RAB1B: variants seen among roughly 807,000 people sequenced by gnomAD.
The protein encoded by RAB1B is ras-related protein Rab-1B.
RAB1B carries 10 observed loss-of-function variants against 24.8 expected under a neutral mutation model. The ratio of observed to expected loss-of-function variants is 0.40; its 90% confidence interval spans 0.25 to 0.68. The LOEUF is 0.68. Among genes scored for constraint, RAB1B ranks in the 30% least tolerant of loss-of-function variants. The pLI is 0.37. For missense variants in RAB1B, 154 were observed against 271.2 expected (o/e 0.57, Z 3.04); for synonymous variants, 99 against 111.7 (o/e 0.89, Z 0.72).
intron 4 of RAB1B, among the ~76,000 whole-genome samples, chr11:66,274,474 G>A (rs1857109854): frequency 6.6e-6 from 1 of 152,170 alleles, no homozygotes; most frequent in South Asian, 2.1e-4. Context: ...GCAGTGGTCT[G>A]ACTAAATCCT....
Position 66,277,199 on chromosome 11 carries a change from C to G in RAB1B, c.*961C>G, listed in dbSNP as rs909823480. 30 of 152,980 alleles carry G rather than the reference C, an allele frequency of 2.0e-4. No individual in the cohort carries two copies. Among genetic ancestry groups the G allele is most frequent in the African/African-American group, 6.0e-4 (25 of 41,596 alleles). 9.5% of individuals were successfully genotyped at this position (152,980 alleles called of 1,614,324 possible). A position where few individuals can be genotyped will look rare whatever the true frequency, so the allele number is the denominator to read the frequency against. On this transcript the variant is annotated 3_prime_UTR_variant, in exon 6 of 6. Transcript: ENST00000311481. ...TGCTCACCCACTCTGCACCCAGGAT[C>G]CTAGTCCCCTGCCCTCTGGCACAGC...
Position 66,276,374 on chromosome 11 carries a change from C to A in RAB1B, c.*136C>A. 1.2e-6 allele frequency: 1 copy of A among 839,836 alleles called. No homozygotes were observed. The highest frequency in any genetic ancestry group is 2.0e-5 in the South Asian group (1 of 49,076). The allele number at this position is 839,836 out of a possible 1,614,324, so 52.0% of individuals were successfully genotyped here. A position where few individuals can be genotyped will look rare whatever the true frequency, so the allele number is the denominator to read the frequency against. ...TGGGGTGTCCTGGGCTCCCCATCTC[C>A]TTCTGGCCCATCTGCCTGCTGCCCT... On this transcript the variant is annotated 3_prime_UTR_variant, in exon 6 of 6. Transcript: ENST00000311481.
chr11:66,273,920 C>A (rs895038621), intron 4 of RAB1B, among the ~76,000 whole-genome samples: 2 of 152,104 alleles, frequency 1.3e-5, no homozygotes, highest in African/African-American at 4.8e-5. Context: ...ACTCAGATGT[C>A]CAGCGCTGGC....
chr11:66,272,018 A>C, intron 2 of RAB1B, 139 bp from the exon 3 acceptor site: 1 of 949,674 alleles, frequency 1.1e-6, no homozygotes, highest in South Asian at 1.3e-5. Context: ...CCTGAACAAG[A>C]CAGGGCTGGC....
chr11:66,268,707 GC>G lies in RAB1B; in HGVS notation c.14+17del. The G allele has an allele frequency of 6.4e-7, 1 of 1,562,698 alleles. No homozygotes were observed. The highest frequency in any genetic ancestry group is 8.6e-7 in the Non-Finnish European group (1 of 1,156,438). ...GAACCCCGAATAGTGAGTGAGCCCC[GC>G]CCGCGCCGTCCAGCGCAGCCTCGAT... On this transcript the variant is annotated intron_variant, in intron 1 of 5. Coordinates refer to ENST00000311481, the MANE Select transcript of RAB1B (RefSeq NM_030981.3).
At chr11:66,273,411 A>G (rs1857092189) in intron 4 of RAB1B, among the ~76,000 whole-genome samples, 2 of 152,146 alleles carry the variant, frequency 1.3e-5, no homozygotes, top group South Asian at 2.1e-4. Flanking sequence ...ATTTCAGCAC[A>G]TTGACCTCTC....
At position 66,272,265 on chromosome 11, in the gene RAB1B, C is replaced by A; in HGVS notation, c.183+13C>A. 1 of 1,611,552 alleles carries A rather than the reference C, an allele frequency of 6.2e-7. No homozygotes were observed. The highest frequency in any genetic ancestry group is 8.5e-7 in the Non-Finnish European group (1 of 1,177,620). On this transcript the variant is annotated intron_variant, in intron 3 of 5. Coordinates refer to ENST00000311481, the MANE Select transcript of RAB1B (RefSeq NM_030981.3). ...CAAACTTCAGATCGTGAGTGTCGCT[C>A]TTCCCAAAATCCCCAGTACAGAGGT...
At chr11:66,271,053 A>C (rs1857048854) in intron 1 of RAB1B, 1 of 152,226 alleles carries the variant, frequency 6.6e-6, no homozygotes, top group Admixed American at 6.5e-5. Context: ...TAGTATTCTA[A>C]ACCAAGGGAT....
At chr11:66,268,797 C>G (rs907513542) in intron 1 of RAB1B, 104 bp downstream of exon 1, 10 of 1,198,128 alleles carry the variant, frequency 8.3e-6, no homozygotes, top group African/African-American at 8.0e-5. Context: ...TGCGGCGCCC[C>G]CACATCCGGG....
chr11:66,270,049 A>T (rs1857029096), intron 1 of RAB1B: 1 of 151,902 alleles, frequency 6.6e-6, no homozygotes, highest in African/African-American at 2.4e-5. Context: ...ACATTTTTTA[A>T]TTTTTTGTAA....
In RAB1B at chr11:66,268,822, A is replaced by ACACC. The variant is rs1555003525; in HGVS notation, c.14+130_14+131insACCC. The ACACC allele has an allele frequency of 2.1e-4, 131 of 622,568 alleles. 2 individuals carry two copies. The highest frequency in any genetic ancestry group is 2.6e-4 in the Non-Finnish European group (117 of 454,330). 38.6% of individuals were successfully genotyped at this position (622,568 alleles called of 1,614,324 possible). On this transcript the variant is annotated intron_variant, in intron 1 of 5. Coordinates refer to ENST00000311481, the MANE Select transcript of RAB1B (RefSeq NM_030981.3). Reference sequence around the variant, plus strand: ...CCACATCCGGGTCCCTCTTCCGCTGACCCCCCCCCACATCCGGGTTCTGCC... The same window carrying ACACC: ...CCACATCCGGGTCCCTCTTCCGCTGACACCCCCCCCCCCACATCCGGGTTCTGCC...
At chr11:66,271,603 A>G (rs2134861324) in intron 1 of RAB1B, 194 bp from the exon 2 acceptor site, 1 of 491,894 alleles carries the variant, frequency 2.0e-6, no homozygotes, top group Admixed American at 3.5e-5. Context: ...CCCGCAAGGT[A>G]GAGGCTGCAA....
chr11:66,268,789 C>A, intron 1 of RAB1B, 96 bp downstream of exon 1: 1 of 1,218,298 alleles, frequency 8.2e-7, no homozygotes. Flanking sequence ...CAGGACTGTG[C>A]GGCGCCCCCA....
intron 1 of RAB1B, among the ~76,000 whole-genome samples, chr11:66,269,447 G>T (rs1376007534): frequency 6.6e-6 from 1 of 152,164 alleles, no homozygotes; most frequent in African/African-American, 2.4e-5. Context: ...CCTCACTCTT[G>T]GTCACTCCCC....
chr11:66,273,078 A>T (rs988069082), intron 4 of RAB1B, among the ~76,000 whole-genome samples: 1 of 151,988 alleles, frequency 6.6e-6, no homozygotes, highest in East Asian at 1.9e-4. Flanking sequence ...TCGCACAGGT[A>T]AGGAGCTGGG....
At chr11:66,269,536 C>T (rs1857018084) in intron 1 of RAB1B, among the ~76,000 whole-genome samples, 2 of 152,226 alleles carry the variant, frequency 1.3e-5, no homozygotes, top group Admixed American at 1.3e-4. Context: ...CCTTTTCTGC[C>T]ACTTCCTTTT....
At chr11:66,273,326 C>T (rs891793068) in intron 4 of RAB1B, among the ~76,000 whole-genome samples, 2 of 152,214 alleles carry the variant, frequency 1.3e-5, no homozygotes, top group East Asian at 3.8e-4. Flanking sequence ...CAGCTCTGGA[C>T]GAGCTGTGGG....
chr11:66,274,568 C>G (rs544542781), intron 4 of RAB1B, among the ~76,000 whole-genome samples: 1 of 152,188 alleles, frequency 6.6e-6, no homozygotes. Flanking sequence ...CTATTCTGAT[C>G]TGGGCTCTGC....
In RAB1B at chr11:66,276,262, G is replaced by A. The variant is rs1173116022; in HGVS notation, c.*24G>A. 6.5e-7 allele frequency: 1 copy of A among 1,543,746 alleles called. No individual in the cohort carries two copies. On this transcript the variant is annotated 3_prime_UTR_variant, in exon 6 of 6. Coordinates refer to ENST00000311481, the MANE Select transcript of RAB1B (RefSeq NM_030981.3). ...AGGAGGGGCACATGGAGTGGGACAG[G>A]AGGGGGCACCTTCTCCAGATGATGT...
Sources: gnomAD v4.1 joint callset for allele counts (sites outside exome capture counted in the v4.1 genomes callset) on GRCh38, gnomAD v4.1.1 for gene constraint, MANE v1.5 for transcripts, NCBI Gene and HGNC (gene_info 2026-07-23, HGNC 2026-07-21) for gene names.